Variants in NCAM2 observed in about 807,000 individuals in gnomAD.
NCAM2 encodes the protein neural cell adhesion molecule 2.
NCAM2 carries 30 observed loss-of-function variants against 98.1 expected under a neutral mutation model. The ratio of observed to expected loss-of-function variants is 0.31; its 90% confidence interval spans 0.23 to 0.41. NCAM2 has a LOEUF of 0.41. NCAM2 is among the 10% of genes least tolerant of loss of function. NCAM2 has a pLI of 1.00. For missense variants in NCAM2, 867 were observed against 1,005.8 expected, an observed-to-expected ratio of 0.86 and a Z score of 1.87; for synonymous variants, 368 against 342.4, an observed-to-expected ratio of 1.07 and a Z score of -0.83.
intron 2 of NCAM2, among the ~76,000 whole-genome samples, 182 bp downstream of exon 2, chr21:21,280,834 G>A (rs1164789491): frequency 6.6e-6 from 1 of 151,998 alleles, no homozygotes; most frequent in African/African-American, 2.4e-5. Flanking sequence ...CAGACTGGAG[G>A]GCGGTAGTGT....
chr21:21,518,980 G>A (rs138929221), intron 16 of NCAM2, among the ~76,000 whole-genome samples: 2 of 152,146 alleles, frequency 1.3e-5, no homozygotes, highest in East Asian at 1.9e-4. Flanking sequence ...CTTAAGGGTG[G>A]GTAATAAGGA....
intron 8 of NCAM2, among the ~76,000 whole-genome samples, chr21:21,352,700 A>G (rs1007552935): frequency 1.5e-4 from 23 of 151,246 alleles, no homozygotes; most frequent in Non-Finnish European, 7.4e-5. Flanking sequence ...CTCAGACACA[A>G]GCCCAACAAC....
intron 12 of NCAM2, among the ~76,000 whole-genome samples, chr21:21,447,357 C>T (rs1364893810): frequency 6.6e-6 from 1 of 152,068 alleles, no homozygotes; most frequent in Non-Finnish European, 1.5e-5. Context: ...ATGCAAAAAA[C>T]TGAAACTGGA....
chr21:21,177,705 C>G (rs1365278970), intron 1 of NCAM2, among the ~76,000 whole-genome samples: 1 of 151,004 alleles, frequency 6.6e-6, no homozygotes. Flanking sequence ...TACTCTCTTT[C>G]TCTCCCCTCT....
chr21:21,414,200 A>G (rs987264201), intron 10 of NCAM2, among the ~76,000 whole-genome samples: 1 of 152,110 alleles, frequency 6.6e-6, no homozygotes, highest in Non-Finnish European at 1.5e-5. Flanking sequence ...TTCTAATTCT[A>G]GCTCTCTATT....
chr21:21,147,748 CAT>C (rs1044889766), intron 1 of NCAM2, among the ~76,000 whole-genome samples: 31 of 147,582 alleles, frequency 2.1e-4, no homozygotes, highest in African/African-American at 5.4e-4. Flanking sequence ...TAAAAGCGTA[CAT>C]GTTTTTGATG....
At chr21:21,042,445 A>G (rs2064925587) in intron 1 of NCAM2, among the ~76,000 whole-genome samples, 1 of 152,102 alleles carries the variant, frequency 6.6e-6, no homozygotes, top group Non-Finnish European at 1.5e-5. Context: ...CGGCCTCCCA[A>G]AGTGCTGGGA....
At position 21,373,445 on chromosome 21, in the gene NCAM2, C is replaced by T. The variant is rs573626864; in HGVS notation, c.1045-418C>T. On this transcript the variant is annotated intron_variant, in intron 8 of 17. Transcript: ENST00000400546. ...AAAAAAAGGGGAAAAGTGTAAAACACGTCTGTGAAGAGTGTTTATTCAAAG... is the reference window on the plus strand; with the variant it reads ...AAAAAAAGGGGAAAAGTGTAAAACATGTCTGTGAAGAGTGTTTATTCAAAG... Among the ~76,000 whole-genome samples, 218 of 151,962 alleles carry T rather than the reference C, an allele frequency of 1.4e-3. 3 individuals are homozygous for T. The highest frequency in any genetic ancestry group is 7.9e-3 in the South Asian group (38 of 4,822).
At chr21:21,499,673 T>G (rs1987497369) in intron 15 of NCAM2, among the ~76,000 whole-genome samples, 1 of 152,178 alleles carries the variant, frequency 6.6e-6, no homozygotes, top group African/African-American at 2.4e-5. Context: ...TACTCTAAAC[T>G]GAATGTTTTT....
At chr21:21,237,149 G>T (rs1361148661) in intron 1 of NCAM2, among the ~76,000 whole-genome samples, 1 of 152,090 alleles carries the variant, frequency 6.6e-6, no homozygotes, top group Non-Finnish European at 1.5e-5. Context: ...TGAACAGAAA[G>T]AATACAAATA....
rs549673600 is a variant in NCAM2 at position 21,045,138 on chromosome 21, A to G, written c.55+46520A>G. On this transcript the variant is annotated intron_variant, in intron 1 of 17. Coordinates refer to ENST00000400546, the MANE Select transcript of NCAM2 (RefSeq NM_004540.5). ...GAATGTACATATTTTGATACTTAAAACTGTTAACAGACATTAACAAAAAAC... is the reference window on the plus strand; with the variant it reads ...GAATGTACATATTTTGATACTTAAAGCTGTTAACAGACATTAACAAAAAAC... 1.2e-4 allele frequency among the ~76,000 whole-genome samples: 19 copies of G among 152,240 alleles called. No individual in the cohort carries two copies. In the East Asian group the frequency reaches 3.7e-3, roughly 29 times the overall value.
At chr21:21,229,738 C>T (rs1335112807) in intron 1 of NCAM2, among the ~76,000 whole-genome samples, 1 of 151,284 alleles carries the variant, frequency 6.6e-6, no homozygotes, top group African/African-American at 2.4e-5. Flanking sequence ...CTAACTAGTT[C>T]AATAAGTATT....
rs760570969 is a variant in NCAM2, at chr21:21,373,871, C to A, written c.1053C>A (p.Asp351Glu). 22 of 1,605,028 alleles carry A rather than the reference C, an allele frequency of 1.4e-5. 1 individual carries two copies. The South Asian group carries it at 1.7e-4, about 12-fold the overall frequency. ...FTFTEGDKSL[D>E]GRIEVKGQHG... ...TGAATCGATGTAAACAGAGCCTGGA[C>A]GGCCGTATCGAAGTCAAAGGGCAGC... is the stretch of plus-strand genomic sequence containing the variant. Residue 351 changes from aspartate to glutamate, a missense_variant, in exon 9 of 18, where the codon GAC (aspartate) becomes GAA (glutamate). By Grantham distance (45) the Asp-to-Glu change is conservative. Transcript: ENST00000400546.
chr21:21,259,665 T>C (rs754117296), intron 1 of NCAM2, among the ~76,000 whole-genome samples: 40 of 152,116 alleles, frequency 2.6e-4, no homozygotes, highest in Non-Finnish European at 4.9e-4. Flanking sequence ...ATAGGATTAC[T>C]GAGACCTCTG....
chr21:21,053,922 A>G (rs988516990), intron 1 of NCAM2, among the ~76,000 whole-genome samples: 6 of 125,044 alleles, frequency 4.8e-5, no homozygotes, highest in Admixed American at 4.8e-4. Context: ...ACCTGTTCCT[A>G]TAGGTTTAGG....
At chr21:21,400,917 T>A (rs865930897) in intron 9 of NCAM2, among the ~76,000 whole-genome samples, 1 of 152,214 alleles carries the variant, frequency 6.6e-6, no homozygotes, top group African/African-American at 2.4e-5. Context: ...TGCATGTTTA[T>A]TTTTTAAATT....
chr21:21,195,172 T>A (rs2068961255), intron 1 of NCAM2, among the ~76,000 whole-genome samples: 1 of 152,186 alleles, frequency 6.6e-6, no homozygotes, highest in Non-Finnish European at 1.5e-5. Flanking sequence ...TATTGCTATA[T>A]TTTGGTAGGA....
intron 1 of NCAM2, among the ~76,000 whole-genome samples, chr21:21,137,635 G>A (rs2012446096): frequency 6.6e-6 from 1 of 152,142 alleles, no homozygotes. Context: ...GTGGATGCCT[G>A]TAATCCCAGT....
At chr21:21,515,981 T>C (rs921966553) in intron 16 of NCAM2, among the ~76,000 whole-genome samples, 2 of 152,190 alleles carry the variant, frequency 1.3e-5, no homozygotes, top group African/African-American at 4.8e-5. Flanking sequence ...CAATTATGAA[T>C]TGTTCAGTAA....
Sources: allele counts gnomAD v4.1 joint callset (sites outside exome capture counted in the v4.1 genomes callset), GRCh38; gene constraint gnomAD v4.1.1; transcripts MANE v1.5; gene names NCBI Gene and HGNC (gene_info 2026-07-23, HGNC 2026-07-21).